The following PKHD1 variants were observed in gnomAD, a reference collection of about 807,000 sequenced individuals.
PKHD1 encodes the protein PKHD1 ciliary IPT domain containing fibrocystin/polyductin.
PKHD1 carries 291 observed loss-of-function variants against 412.0 expected under a neutral mutation model. That is an observed-to-expected ratio of 0.71 (90% CI 0.64 to 0.78). The LOEUF is 0.78. PKHD1 is among the 30% of genes least tolerant of loss of function. The pLI is 0.00. For missense variants in PKHD1, 4,825 were observed against 4,950.7 expected (o/e 0.97, Z 0.76); for synonymous variants, 1,777 against 1,821.5 (o/e 0.98, Z 0.62).
intron 60 of PKHD1, among the ~76,000 whole-genome samples, chr6:51,707,800 G>A (rs924186342): frequency 6.6e-6 from 1 of 152,048 alleles, no homozygotes; most frequent in African/African-American, 2.4e-5. Context: ...TGAAGGATTT[G>A]ATACTGTATC....
chr6:51,935,202 A>C (rs1787277153), intron 36 of PKHD1, among the ~76,000 whole-genome samples: 1 of 152,262 alleles, frequency 6.6e-6, no homozygotes, highest in Non-Finnish European at 1.5e-5. Context: ...TGGCAACCAG[A>C]TAACCTTAAC....
rs1466248267 is a variant in PKHD1, at chr6:52,034,695, T to C, written c.3228+896A>G. ...TACCCCCAAAACATAGTTATTAGGATGATTAAAGCCCTGTTGTTTACAATA... is the reference window on the plus strand; with the variant it reads ...TACCCCCAAAACATAGTTATTAGGACGATTAAAGCCCTGTTGTTTACAATA... On this transcript the variant is annotated intron_variant, in intron 28 of 66. Transcript: ENST00000371117. Among the ~76,000 whole-genome samples, 4 of 152,298 alleles carry C rather than the reference T, an allele frequency of 2.6e-5. No homozygotes were observed. In the South Asian group the frequency reaches 6.2e-4, roughly 24 times the overall value.
intron 60 of PKHD1, among the ~76,000 whole-genome samples, chr6:51,716,263 A>G (rs1781242794): frequency 6.6e-6 from 1 of 152,192 alleles, no homozygotes; most frequent in African/African-American, 2.4e-5. Context: ...AATTAAAATA[A>G]TATTCATTTA....
At chr6:51,658,650 CAAAT>C (rs1459344535) in intron 61 of PKHD1, among the ~76,000 whole-genome samples, 20 of 152,164 alleles carry the variant, frequency 1.3e-4, no homozygotes, top group African/African-American at 4.6e-4. Flanking sequence ...AATAAACAAT[CAAAT>C]GAACTAAAAA....
In PKHD1 at chr6:51,659,676, A is replaced by G. The variant is rs764326446; in HGVS notation, c.10450T>C (p.Phe3484Leu). The change falls in exon 61 of 67, where the codon TTT becomes CTT. Residue 3484 changes from phenylalanine to leucine, a missense_variant. Physicochemically the swap from Phe to Leu is conservative, Grantham distance 22. Coordinates refer to ENST00000371117, the MANE Select transcript of PKHD1 (RefSeq NM_138694.4). ...MDQTPQVLRF[F>L]LLGNKSTSKL... ...GAGGTACTTTTGTTCCCCAATAGAA[A>G]AAAGCGCAAAACTTGAGGAGTTTGA... The G allele has an allele frequency of 1.2e-6, 2 of 1,613,892 alleles. No individual in the cohort carries two copies. Among genetic ancestry groups the G allele is most frequent in the Non-Finnish European group, 1.7e-6 (2 of 1,179,884 alleles).
chr6:51,973,992 A>C (rs1794025463), intron 35 of PKHD1, among the ~76,000 whole-genome samples: 1 of 152,204 alleles, frequency 6.6e-6, no homozygotes, highest in South Asian at 2.1e-4. Flanking sequence ...ACAAACACCA[A>C]ATCAAAGTGA....
intron 52 of PKHD1, among the ~76,000 whole-genome samples, chr6:51,801,932 C>A (rs149794993): frequency 6.6e-6 from 1 of 152,198 alleles, no homozygotes; most frequent in African/African-American, 2.4e-5. Flanking sequence ...ATCTGTTCTT[C>A]AGAAATATTT....
chr6:51,779,834 A>G (rs188589250), intron 53 of PKHD1, among the ~76,000 whole-genome samples: 1 of 152,272 alleles, frequency 6.6e-6, no homozygotes, highest in African/African-American at 2.4e-5. Context: ...GAATAATGCA[A>G]TTTGCATATT....
At chr6:51,676,533 T>A (rs1775882566) in intron 60 of PKHD1, among the ~76,000 whole-genome samples, 1 of 152,176 alleles carries the variant, frequency 6.6e-6, no homozygotes, top group African/African-American at 2.4e-5. Context: ...AAACAAAATA[T>A]ATACTCATTC....
chr6:51,841,922 G>A (rs1180720138), intron 50 of PKHD1, among the ~76,000 whole-genome samples: 1 of 152,206 alleles, frequency 6.6e-6, no homozygotes, highest in Non-Finnish European at 1.5e-5. Flanking sequence ...AGGAGCCTAG[G>A]CTCCAACCCA....
intron 60 of PKHD1, among the ~76,000 whole-genome samples, chr6:51,699,008 C>T (rs1425316149): frequency 6.6e-6 from 1 of 152,160 alleles, no homozygotes; most frequent in African/African-American, 2.4e-5. Context: ...TTATGAAACA[C>T]CTAAGAAGAT....
chr6:51,759,240 A>C (rs890296221), intron 55 of PKHD1, among the ~76,000 whole-genome samples: 10 of 152,114 alleles, frequency 6.6e-5, no homozygotes, highest in Non-Finnish European at 1.5e-4. Context: ...AGTCAATACC[A>C]ATTATTTGTC....
chr6:51,989,430 A>G (rs1796601135), intron 35 of PKHD1, among the ~76,000 whole-genome samples: 1 of 152,212 alleles, frequency 6.6e-6, no homozygotes, highest in South Asian at 2.1e-4. Context: ...AAAAATACGT[A>G]TAGGTACATG....
chr6:51,675,464 G>T (rs567927763), intron 60 of PKHD1, among the ~76,000 whole-genome samples: 1 of 152,240 alleles, frequency 6.6e-6, no homozygotes, highest in East Asian at 1.9e-4. Flanking sequence ...TGAAACCCAT[G>T]CTGGCTTTGG....
intron 2 of PKHD1, among the ~76,000 whole-genome samples, chr6:52,083,620 A>G (rs74638305): frequency 0.03 from 4,641 of 152,218 alleles, 123 homozygotes; most frequent in Middle Eastern, 0.12. Flanking sequence ...AATCAAACCC[A>G]TACTGTCTCT....
intron 43 of PKHD1, among the ~76,000 whole-genome samples, chr6:51,901,374 C>G (rs1019456672): frequency 6.6e-6 from 1 of 152,124 alleles, no homozygotes; most frequent in Non-Finnish European, 1.5e-5. Context: ...TTTGTAGGGA[C>G]ATGGATGAAA....
intron 52 of PKHD1, among the ~76,000 whole-genome samples, chr6:51,816,074 A>G (rs544663585): frequency 1.3e-5 from 2 of 152,296 alleles, no homozygotes; most frequent in Non-Finnish European, 2.9e-5. Context: ...GAAGGGTAAA[A>G]TTTTAACCAT....
At chr6:51,980,233 T>A (rs1443387931) in intron 35 of PKHD1, among the ~76,000 whole-genome samples, 3 of 152,218 alleles carry the variant, frequency 2.0e-5, no homozygotes, top group African/African-American at 7.2e-5. Context: ...TTGCACTCTG[T>A]TAAAACTATT....
intron 13 of PKHD1, among the ~76,000 whole-genome samples, chr6:52,064,499 A>T (rs1029466127): frequency 6.6e-6 from 1 of 152,158 alleles, no homozygotes; most frequent in African/African-American, 2.4e-5. Context: ...CACAAGAGAG[A>T]AAAATTCATA....
Sources: gnomAD v4.1 joint callset for allele counts (sites outside exome capture counted in the v4.1 genomes callset) on GRCh38, gnomAD v4.1.1 for gene constraint, MANE v1.5 for transcripts, NCBI Gene and HGNC (gene_info 2026-07-23, HGNC 2026-07-21) for gene names.